Variants in VPS13B observed in about 807,000 individuals in gnomAD.
VPS13B encodes intermembrane lipid transfer protein VPS13B.
In VPS13B, 285 loss-of-function variants were observed where a neutral mutation model predicts 426.4. The observed-to-expected ratio is 0.67, with a 90% CI of 0.61 to 0.74. The LOEUF is 0.74. Among genes scored for constraint, VPS13B ranks in the 30% least tolerant of loss-of-function variants. The pLI is 0.00. For missense variants in VPS13B, 4,537 were observed against 4,782.6 expected (o/e 0.95, Z 1.51); for synonymous variants, 1,676 against 1,676.4 (o/e 1.00, Z 0.01).
In VPS13B at chr8:99,121,212, C is replaced by T. The variant is rs1161857930; in HGVS notation, c.973C>T (p.Pro325Ser). 1 of 1,613,880 alleles carries T rather than the reference C, an allele frequency of 6.2e-7. No homozygotes were observed. The highest frequency in any genetic ancestry group is 1.7e-4 in the Middle Eastern group (1 of 6,044). The change falls in exon 8 of 62, where the codon CCT (proline) becomes TCT (serine). Residue 325 changes from proline to serine, a missense_variant. By Grantham distance (74) the Pro-to-Ser change is moderately conservative. Coordinates refer to ENST00000357162, the MANE Select transcript of VPS13B (RefSeq NM_152564.5). ...TGAAACAAGAATAGATATGCAATAT[C>T]CTGCTCAGCATAAAGGTCAAGAGTT... ...EDETRIDMQY[P>S]AQHKGQELYS... is the part of the protein sequence containing the mutation.
chr8:99,019,539 C>T (rs530979256), intron 2 of VPS13B, among the ~76,000 whole-genome samples: 7 of 152,226 alleles, frequency 4.6e-5, no homozygotes, highest in African/African-American at 1.7e-4. Flanking sequence ...TGTGGTATTA[C>T]GTATGTTTAC....
At chr8:99,422,942 G>A (rs1816455472) in intron 21 of VPS13B, among the ~76,000 whole-genome samples, 1 of 152,090 alleles carries the variant, frequency 6.6e-6, no homozygotes, top group Non-Finnish European at 1.5e-5. Flanking sequence ...ACATATGTTT[G>A]AGTTTTTTCA....
At chr8:99,757,511 C>T (rs1810700453) in intron 39 of VPS13B, among the ~76,000 whole-genome samples, 1 of 152,152 alleles carries the variant, frequency 6.6e-6, no homozygotes, top group Non-Finnish European at 1.5e-5. Context: ...GGGGTAATGG[C>T]CCAGCTTCAG....
chr8:99,376,242 T>A (rs1416849619), intron 19 of VPS13B, among the ~76,000 whole-genome samples: 1 of 152,228 alleles, frequency 6.6e-6, no homozygotes, highest in Non-Finnish European at 1.5e-5. Flanking sequence ...CAACTCAATA[T>A]CAAACTAATT....
At chr8:99,564,817 G>T (rs1299286404) in intron 31 of VPS13B, among the ~76,000 whole-genome samples, 1 of 152,216 alleles carries the variant, frequency 6.6e-6, no homozygotes, top group Non-Finnish European at 1.5e-5. Flanking sequence ...AGAGCTATGT[G>T]TAGAACCTTG....
intron 7 of VPS13B, chr8:99,120,606 CATT>C (rs1847888612): frequency 1.3e-5 from 2 of 152,184 alleles, no homozygotes; most frequent in Admixed American, 1.3e-4. Flanking sequence ...GAGGCCCCAA[CATT>C]ATTATTTTTC....
Position 99,421,070 on chromosome 8 carries a change from G to A in VPS13B, c.3083-10467G>A, listed in dbSNP as rs982016111. ...TATTTTTAACTTTAAGGTGGAAGTC[G>A]GAAACCTGACACTTAGATTAAATTC... On this transcript the variant is annotated intron_variant, in intron 21 of 61. Transcript: ENST00000357162. 9.2e-5 allele frequency among the ~76,000 whole-genome samples: 14 copies of A among 152,108 alleles called. No homozygotes were observed. The South Asian group carries it at 1.7e-3, about 18-fold the overall frequency.
intron 34 of VPS13B, among the ~76,000 whole-genome samples, chr8:99,644,788 AG>A (rs1829514468): frequency 6.6e-6 from 1 of 152,192 alleles, no homozygotes; most frequent in Non-Finnish European, 1.5e-5. Context: ...AATTTTTTTC[AG>A]AAGACCCAAA....
intron 33 of VPS13B, among the ~76,000 whole-genome samples, chr8:99,620,416 T>C (rs970451719): frequency 3.2e-4 from 49 of 152,134 alleles, no homozygotes; most frequent in Non-Finnish European, 4.9e-4. Flanking sequence ...GTGGGCAGCC[T>C]ACAGCACCAA....
chr8:99,741,775 A>G (rs1369389354), intron 39 of VPS13B, among the ~76,000 whole-genome samples: 6 of 152,198 alleles, frequency 3.9e-5, no homozygotes, highest in East Asian at 1.9e-4. Flanking sequence ...TTTGAAACCA[A>G]TGAGAACAAA....
intron 39 of VPS13B, among the ~76,000 whole-genome samples, chr8:99,741,099 G>C (rs907023430): frequency 7.9e-5 from 12 of 152,204 alleles, no homozygotes; most frequent in Middle Eastern, 3.4e-3. Flanking sequence ...CAGAGACACA[G>C]ATAGGCTCAA....
intron 17 of VPS13B, among the ~76,000 whole-genome samples, chr8:99,238,598 A>G (rs932017108): frequency 1.3e-5 from 2 of 152,182 alleles, no homozygotes; most frequent in African/African-American, 4.8e-5. Context: ...GTTAGTCTAT[A>G]ATAAAATTTA....
intron 35 of VPS13B, among the ~76,000 whole-genome samples, chr8:99,682,904 G>A (rs975009655): frequency 1.3e-5 from 2 of 152,104 alleles, no homozygotes; most frequent in Admixed American, 6.6e-5. Context: ...GAATCTACTT[G>A]GTGCTCCATT....
intron 3 of VPS13B, among the ~76,000 whole-genome samples, chr8:99,076,378 C>T (rs534603862): frequency 2.8e-4 from 43 of 152,060 alleles, no homozygotes; most frequent in Non-Finnish European, 5.7e-4. Context: ...GTCTGTTTGG[C>T]TTATAGTGCA....
intron 2 of VPS13B, among the ~76,000 whole-genome samples, chr8:99,033,270 G>A (rs868097815): frequency 1.3e-5 from 2 of 152,256 alleles, no homozygotes; most frequent in Middle Eastern, 3.4e-3. Flanking sequence ...TTGCATTATT[G>A]AAGGATAATT....
chr8:99,757,742 C>T (rs1389532331), intron 39 of VPS13B, among the ~76,000 whole-genome samples: 2 of 152,220 alleles, frequency 1.3e-5, no homozygotes, highest in African/African-American at 4.8e-5. Flanking sequence ...TACATGTGCT[C>T]TTACCAACTG....
At chr8:99,388,399 A>G (rs1814243639) in intron 20 of VPS13B, among the ~76,000 whole-genome samples, 1 of 152,074 alleles carries the variant, frequency 6.6e-6, no homozygotes, top group Non-Finnish European at 1.5e-5. Context: ...ACCCTCTAGT[A>G]TTTTTTTAAT....
At chr8:99,391,014 A>G (rs183024883) in intron 20 of VPS13B, among the ~76,000 whole-genome samples, 115 of 152,312 alleles carry the variant, frequency 7.6e-4, no homozygotes, top group African/African-American at 2.4e-3. Context: ...CTTTTGTCAG[A>G]CAAAACGTAG....
At chr8:99,313,985 T>C (rs1449067848) in intron 19 of VPS13B, among the ~76,000 whole-genome samples, 1 of 152,110 alleles carries the variant, frequency 6.6e-6, no homozygotes, top group Admixed American at 6.5e-5. Context: ...GGATATAATC[T>C]CCTTGTGTGC....
Sources: gnomAD v4.1 joint callset for allele counts (sites outside exome capture counted in the v4.1 genomes callset) on GRCh38, gnomAD v4.1.1 for gene constraint, MANE v1.5 for transcripts, NCBI Gene and HGNC (gene_info 2026-07-23, HGNC 2026-07-21) for gene names.